The following FRY variants were observed in gnomAD, a reference collection of about 807,000 sequenced individuals.
The protein encoded by FRY is FRY microtubule binding protein.
FRY carries 128 observed loss-of-function variants against 348.4 expected under a neutral mutation model. The observed-to-expected ratio is 0.37, with a 90% CI of 0.32 to 0.43. The LOEUF is 0.43. FRY is among the 20% of genes least tolerant of loss of function. The pLI, the probability that FRY is intolerant of heterozygous loss-of-function variation, is 1.00. For synonymous variants in FRY, 1,370 were observed against 1,374.7 expected (o/e 1.00, Z 0.08); for missense variants, 2,736 against 3,695.2 (o/e 0.74, Z 6.73).
intron 58 of FRY, among the ~76,000 whole-genome samples, chr13:32,289,048 C>T (rs1889209977): frequency 6.6e-6 from 1 of 152,158 alleles, no homozygotes; most frequent in Non-Finnish European, 1.5e-5. Flanking sequence ...TTTTGATGTC[C>T]TTTCCACAGA....
intron 29 of FRY, among the ~76,000 whole-genome samples, chr13:32,194,681 G>T (rs1232029683): frequency 6.6e-6 from 1 of 152,090 alleles, no homozygotes; most frequent in African/African-American, 2.4e-5. Flanking sequence ...CCAGGAAGTG[G>T]CCTAAAATTT....
rs778573468 is a variant in FRY at position 32,078,906 on chromosome 13, C to T, written c.143C>T (p.Pro48Leu). Reference protein sequence around the residue: ...PASGTHREKGPPTMLPINVDP... With the variant: ...PASGTHREKGLPTMLPINVDP... ...TCTGGCACGCACAGGGAGAAAGGGC[C>T]GCCAACCATGCTACCCATCAATGTG... The change falls in exon 2 of 61, where the codon CCG becomes CTG. Residue 48 changes from proline to leucine, a missense_variant. Transcript: ENST00000542859. 1.9e-5 allele frequency: 31 copies of T among 1,613,828 alleles called. No individual in the cohort carries two copies. The highest frequency in any genetic ancestry group is 1.6e-4 in the Middle Eastern group (1 of 6,080).
chr13:32,092,661 C>G (rs531530091), intron 2 of FRY, among the ~76,000 whole-genome samples: 2 of 152,114 alleles, frequency 1.3e-5, no homozygotes, highest in Non-Finnish European at 2.9e-5. Context: ...ATTCCCCTTG[C>G]GTGGGTTGGG....
chr13:32,046,172 G>T (rs1873007221), intron 1 of FRY, among the ~76,000 whole-genome samples: 1 of 152,126 alleles, frequency 6.6e-6, no homozygotes, highest in African/African-American at 2.4e-5. Context: ...TGCTCTTCAG[G>T]CTCTGGGAAA....
chr13:32,237,215 G>C lies in FRY; in HGVS notation c.5811-164G>C, dbSNP rs1265375419. On this transcript the variant is annotated intron_variant, in intron 43 of 60. Transcript: ENST00000542859. This position sits in a 1 kb window ranked among gnomAD's most constrained non-coding sequence, Gnocchi z 6.3. ...TGTTTTGTTGATGAGGGTTTCTCTT[G>C]TTTTGTTTTTTATAGCTTTAAAGAT... 6.6e-6 allele frequency among the ~76,000 whole-genome samples: 1 copy of C among 151,810 alleles called. No homozygotes were observed. The highest frequency in any genetic ancestry group is 1.5e-5 in the Non-Finnish European group (1 of 67,950).
At position 32,225,923 on chromosome 13, in the gene FRY, G is replaced by A. The variant is rs752448800; in HGVS notation, c.5155G>A (p.Ala1719Thr). Residue 1719 changes from alanine (A) to threonine (T), a missense_variant, in exon 39 of 61, where the codon GCT becomes ACT. Coordinates refer to ENST00000542859, the MANE Select transcript of FRY (RefSeq NM_023037.3). ...CCTGCAGACCCGAGAGATGGGTGAAGCTAAGACTCTAACCGTGCAGCCAGC... is the reference window on the plus strand; with the variant it reads ...CCTGCAGACCCGAGAGATGGGTGAAACTAAGACTCTAACCGTGCAGCCAGC... ...VLLQTREMGEAKTLTVQPAYQ... is the reference protein window; with the variant it reads ...VLLQTREMGETKTLTVQPAYQ... 1.9e-6 allele frequency: 3 copies of A among 1,614,144 alleles called. No homozygotes were observed. Among genetic ancestry groups the A allele is most frequent in the South Asian group, 1.1e-5 (1 of 91,076 alleles).
At chr13:32,116,659 G>A (rs1878320588) in intron 3 of FRY, among the ~76,000 whole-genome samples, 1 of 152,070 alleles carries the variant, frequency 6.6e-6, no homozygotes, top group African/African-American at 2.4e-5. Flanking sequence ...ATGAGATATG[G>A]ATTGAAGTGT....
chr13:32,126,281 T>C (rs1056565917), intron 7 of FRY, among the ~76,000 whole-genome samples: 1 of 152,184 alleles, frequency 6.6e-6, no homozygotes, highest in Non-Finnish European at 1.5e-5. Flanking sequence ...CAAAAATGAC[T>C]TTGTGTTTTC....
chr13:32,202,123 T>C (rs1323936922), intron 30 of FRY, 83 bp downstream of exon 30: 2 of 890,834 alleles, frequency 2.2e-6, no homozygotes, highest in African/African-American at 3.3e-5. Flanking sequence ...AATAGCTGTT[T>C]ATTGATAGGC....
intron 59 of FRY, among the ~76,000 whole-genome samples, chr13:32,294,127 TA>T (rs1393105115): frequency 1.3e-5 from 2 of 152,194 alleles, no homozygotes; most frequent in African/African-American, 4.8e-5. Context: ...GAACACATTT[TA>T]AATGAAGTCT....
chr13:32,157,250 TA>T, intron 15 of FRY, 22 bp from the exon 16 acceptor site: 1 of 1,603,482 alleles, frequency 6.2e-7, no homozygotes, highest in Non-Finnish European at 8.5e-7. Context: ...GTTGAAGGTA[TA>T]ACTATAATGC....
intron 51 of FRY, among the ~76,000 whole-genome samples, chr13:32,256,092 C>T (rs558180530): frequency 7.9e-5 from 12 of 152,112 alleles, no homozygotes; most frequent in South Asian, 2.1e-4. Flanking sequence ...CTGGGATGCC[C>T]GTTACTTAAA....
At chr13:32,151,354 C>T (rs1391655247) in intron 14 of FRY, among the ~76,000 whole-genome samples, 1 of 152,168 alleles carries the variant, frequency 6.6e-6, no homozygotes, top group Admixed American at 6.5e-5. Flanking sequence ...TTCCATTTCT[C>T]GTGATCTTGT....
intron 7 of FRY, among the ~76,000 whole-genome samples, chr13:32,127,750 G>C (rs1879114189): frequency 6.6e-6 from 1 of 152,182 alleles, no homozygotes; most frequent in South Asian, 2.1e-4. Flanking sequence ...CTACACTCCA[G>C]CCTGGGTGAC....
At chr13:32,275,117 G>C in intron 56 of FRY, 126 bp downstream of exon 56, 1 of 819,830 alleles carries the variant, frequency 1.2e-6, no homozygotes, top group Non-Finnish European at 2.0e-6. Context: ...GGTGGCTCAA[G>C]CCTGTAATCC....
intron 47 of FRY, among the ~76,000 whole-genome samples, chr13:32,245,172 A>T (rs1024813457): frequency 6.6e-6 from 1 of 151,024 alleles, no homozygotes; most frequent in Non-Finnish European, 1.5e-5. Context: ...CTGGTCTCGA[A>T]CTCCTGACCT....
chr13:32,272,829 G>A (rs959452265), intron 55 of FRY, among the ~76,000 whole-genome samples: 9 of 151,882 alleles, frequency 5.9e-5, no homozygotes, highest in African/African-American at 1.7e-4. Context: ...TCCACCTCCC[G>A]GGTTCAAGCA....
chr13:32,294,653 T>A, intron 60 of FRY, 83 bp downstream of exon 60: 1 of 1,001,936 alleles, frequency 1.0e-6, no homozygotes, highest in Non-Finnish European at 1.6e-6. Flanking sequence ...TCTAGCCCAC[T>A]ACGGAAGGCT....
chr13:32,154,055 A>G (rs1156581230), intron 14 of FRY, among the ~76,000 whole-genome samples: 1 of 152,204 alleles, frequency 6.6e-6, no homozygotes, highest in Admixed American at 6.5e-5. Flanking sequence ...GCTAAATTGG[A>G]TAATCCACTG....
Sources: allele counts gnomAD v4.1 joint callset (sites outside exome capture counted in the v4.1 genomes callset), GRCh38; gene constraint gnomAD v4.1.1; non-coding constraint Gnocchi (gnomAD v3.1); transcripts MANE v1.5; gene names NCBI Gene and HGNC (gene_info 2026-07-23, HGNC 2026-07-21).